Variants in ALG1 observed in about 807,000 individuals in gnomAD.
ALG1 encodes chitobiosyldiphosphodolichol beta-mannosyltransferase.
ALG1 carries 58 observed loss-of-function variants against 55.1 expected under a neutral mutation model. That is an observed-to-expected ratio of 1.05 (90% CI 0.85 to 1.31). The LOEUF (loss-of-function observed/expected upper bound fraction) is 1.31, where lower values mean the gene tolerates loss of function less well. ALG1 is among the 50% of genes most tolerant of loss of function. The pLI, the probability that ALG1 is intolerant of heterozygous loss-of-function variation, is 0.00. For missense variants in ALG1, 761 were observed against 598.6 expected (o/e 1.27, Z -2.83); for synonymous variants, 309 against 247.0 (o/e 1.25, Z -2.35).
At chr16:5,083,356 C>T (rs560320608) in intron 11 of ALG1, among the ~76,000 whole-genome samples, 45 of 152,298 alleles carry the variant, frequency 3.0e-4, no homozygotes, top group Middle Eastern at 3.4e-3. Flanking sequence ...GTCCCCAGGG[C>T]GTTGCCTTTA....
At chr16:5,080,846 C>T in intron 9 of ALG1, 100 bp from the exon 10 acceptor site, 5 of 1,495,524 alleles carry the variant, frequency 3.3e-6, no homozygotes, top group Non-Finnish European at 4.6e-6. Flanking sequence ...GGTGGAGCTT[C>T]TGGGAAAGGG....
In ALG1 at chr16:5,081,051, T is replaced by G. The variant is rs1310311178; in HGVS notation, c.1067T>G (p.Leu356Arg). 6.3e-7 allele frequency: 1 copy of G among 1,596,022 alleles called. No individual in the cohort carries two copies. Among genetic ancestry groups the G allele is most frequent in the East Asian group, 2.2e-5 (1 of 44,874 alleles). ...PWLEAEDYPL[L>R]LGSADLGVCL... ...CTGGAGGCCGAGGACTACCCCCTGC[T>G]TCTAGGTGAGAGGCCAGCAGGAGGC... The change falls in exon 10 of 13, where the codon CTT (leucine) becomes CGT (arginine). Residue 356 changes from leucine (L) to arginine (R), a missense_variant. Physicochemically the swap from Leu to Arg is moderately radical, Grantham distance 102. Transcript: ENST00000262374.
At chr16:5,072,179 G>C in intron 1 of ALG1, 122 bp downstream of exon 1, 2 of 1,447,404 alleles carry the variant, frequency 1.4e-6, no homozygotes, top group South Asian at 2.5e-5. Flanking sequence ...AGCTCTCCGA[G>C]ATTAGACGAG....
intron 1 of ALG1, chr16:5,072,401 A>G (rs895294012): frequency 2.1e-5 from 12 of 577,076 alleles, no homozygotes; most frequent in African/African-American, 1.7e-4. Flanking sequence ...CTGACAGGAT[A>G]TTTCATTCCT....
chr16:5,082,937 G>C (rs1404777738), intron 11 of ALG1, among the ~76,000 whole-genome samples: 1 of 152,140 alleles, frequency 6.6e-6, no homozygotes, highest in Non-Finnish European at 1.5e-5. Flanking sequence ...AACTACTTTT[G>C]CACCAACCCA....
At chr16:5,072,857 C>G (rs1956840847) in intron 1 of ALG1, 94 bp from the exon 2 acceptor site, 3 of 1,206,982 alleles carry the variant, frequency 2.5e-6, no homozygotes, top group South Asian at 2.4e-5. Flanking sequence ...TCTTACTTTC[C>G]AAAACACTGT....
chr16:5,077,244 G>T (rs749911061), intron 4 of ALG1, among the ~76,000 whole-genome samples: 2 of 152,090 alleles, frequency 1.3e-5, no homozygotes, highest in African/African-American at 2.4e-5. Flanking sequence ...CTTTTAAAGT[G>T]ATTGTATTTA....
rs553074073 is a variant in ALG1, at chr16:5,078,637, T to G, written c.741-120T>G. The G allele has an allele frequency of 6.3e-6, 10 of 1,576,558 alleles. No individual in the cohort carries two copies. In the South Asian group the frequency reaches 1.1e-4, roughly 18 times the overall value. ...GATGGCAGGGGTGGCCTGGTGCTGCTGATGTGGCTGGGCACCCCAACCTCT... is the reference window on the plus strand; with the variant it reads ...GATGGCAGGGGTGGCCTGGTGCTGCGGATGTGGCTGGGCACCCCAACCTCT... On this transcript the variant is annotated intron_variant, in intron 6 of 12. Coordinates refer to ENST00000262374, the MANE Select transcript of ALG1 (RefSeq NM_019109.5).
Position 5,086,040 on chromosome 16 carries a change from A to G in ALG1, c.*1159A>G, listed in dbSNP as rs1957150890. ...TCTGAATAGTCAACCCACTCTTCAC[A>G]AAGCTTAGAAAGCGGCCGGGCACAG... On this transcript the variant is annotated 3_prime_UTR_variant, in exon 13 of 13. Transcript: ENST00000262374. 6.6e-6 allele frequency among the ~76,000 whole-genome samples: 1 copy of G among 152,214 alleles called. No individual in the cohort carries two copies. The highest frequency in any genetic ancestry group is 1.5e-5 in the Non-Finnish European group (1 of 68,036).
chr16:5,080,857 A>G (rs1356535944), intron 9 of ALG1, 89 bp from the exon 10 acceptor site: 16 of 1,524,586 alleles, frequency 1.0e-5, no homozygotes, highest in African/African-American at 2.7e-5. Flanking sequence ...TGGGAAAGGG[A>G]TCCCTCCTAG....
At chr16:5,080,624 C>G (rs929530610) in intron 9 of ALG1, among the ~76,000 whole-genome samples, 1 of 152,202 alleles carries the variant, frequency 6.6e-6, no homozygotes, top group African/African-American at 2.4e-5. Flanking sequence ...CTCGTGTCCC[C>G]TGTGCACAAC....
intron 6 of ALG1, 73 bp from the exon 7 acceptor site, chr16:5,078,684 C>G: frequency 1.2e-6 from 2 of 1,611,380 alleles, no homozygotes; most frequent in Non-Finnish European, 1.7e-6. Flanking sequence ...GGCCTCGCCA[C>G]GGCAGGAGAT....
intron 5 of ALG1, 25 bp from the exon 6 acceptor site, chr16:5,077,882 T>C (rs1363521369): frequency 1.2e-6 from 2 of 1,602,548 alleles, no homozygotes; most frequent in South Asian, 2.2e-5. Flanking sequence ...GCCCTCCCAA[T>C]AGCCCCGTCA....
chr16:5,072,071 G>GCTCT lies in ALG1; in HGVS notation c.208+14_208+15insCTCT. On this transcript the variant is annotated intron_variant, in intron 1 of 12. Coordinates refer to ENST00000262374, the MANE Select transcript of ALG1 (RefSeq NM_019109.5). The stretch of plus-strand genomic sequence containing the variant: ...TGGGGTTCTGCAGTGAGTGGCCAAG[G>GCTCT]GTCTGGGAGGGACGATGCTCTCTCA... 6.4e-7 allele frequency: 1 copy of GCTCT among 1,557,538 alleles called. No homozygotes were observed. Among genetic ancestry groups the GCTCT allele is most frequent in the Non-Finnish European group, 8.7e-7 (1 of 1,150,596 alleles).
Position 5,085,135 on chromosome 16 carries a change from T to C in ALG1, c.*254T>C. On this transcript the variant is annotated 3_prime_UTR_variant, in exon 13 of 13. Transcript: ENST00000262374. ...CACGCCCCATGCCCCTGCTAGCGTA[T>C]TACTGTTCTGTGACTTCCCTGTGAC... The C allele has an allele frequency of 1.5e-6, 1 of 661,408 alleles. No homozygotes were observed. Among genetic ancestry groups the C allele is most frequent in the Non-Finnish European group, 2.5e-6 (1 of 394,022 alleles). The allele number at this position is 661,408 out of a possible 1,614,324, so 41.0% of individuals were successfully genotyped here.
intron 1 of ALG1, among the ~76,000 whole-genome samples, chr16:5,072,675 C>G (rs1353103400): frequency 6.6e-6 from 1 of 152,082 alleles, no homozygotes; most frequent in African/African-American, 2.4e-5. Context: ...ATTCCACTAT[C>G]CAGACAATCT....
At chr16:5,073,386 G>A (rs1596252390) in intron 3 of ALG1, 130 bp downstream of exon 3, 1 of 790,096 alleles carries the variant, frequency 1.3e-6, no homozygotes, top group East Asian at 2.6e-5. Flanking sequence ...ACATGAGTAG[G>A]AGCCTATGGT....
In ALG1 at chr16:5,085,310, C is replaced by T. The variant is rs1957115588; in HGVS notation, c.*429C>T. The T allele has an allele frequency of 1.2e-5, 6 of 482,100 alleles. No individual in the cohort carries two copies. Among genetic ancestry groups the T allele is most frequent in the African/African-American group, 2.0e-5 (1 of 51,208 alleles). 29.9% of individuals were successfully genotyped at this position (482,100 alleles called of 1,614,324 possible). On this transcript the variant is annotated 3_prime_UTR_variant, in exon 13 of 13. Coordinates refer to ENST00000262374, the MANE Select transcript of ALG1 (RefSeq NM_019109.5). ...GCAGTGGGCTTGGCTTTGTGAGGAA[C>T]TGAGTGTGTCCACGTTGGGGGAACA...
Position 5,071,926 on chromosome 16 carries a change from G to A in ALG1, c.77G>A (p.Trp26Ter), listed in dbSNP as rs760834807. The A allele has an allele frequency of 1.9e-6, 3 of 1,591,532 alleles. No homozygotes were observed. In the East Asian group the frequency reaches 6.9e-5, roughly 37 times the overall value. Residue 26 changes from tryptophan to a stop codon, truncating the protein, a stop_gained, in exon 1 of 13, where the codon TGG (tryptophan) becomes TAG (stop). Transcript: ENST00000262374. LOFTEE classifies it high-confidence loss of function. Reference sequence around the variant, plus strand: ...CTGCTGCTGGGAGGATGGAAGCGCTGGCGCCGGGGGCGGGCGGCCCGGCAT... The same window carrying A: ...CTGCTGCTGGGAGGATGGAAGCGCTAGCGCCGGGGGCGGGCGGCCCGGCAT... ...PLLLLGGWKR[W>*]RRGRAARHVV...
Sources: allele counts gnomAD v4.1 joint callset (sites outside exome capture counted in the v4.1 genomes callset), GRCh38; gene constraint gnomAD v4.1.1; transcripts MANE v1.5; gene names NCBI Gene and HGNC (gene_info 2026-07-23, HGNC 2026-07-21).